The following ART4 variants were observed in gnomAD, a reference collection of about 807,000 sequenced individuals.
ART4 encodes the protein ADP-ribosyltransferase 4 (inactive) (Dombrock blood group).
In ART4, 14 loss-of-function variants were observed where a neutral mutation model predicts 24.2. That is an observed-to-expected ratio of 0.58 (90% CI 0.38 to 0.90). The LOEUF (loss-of-function observed/expected upper bound fraction) is 0.90, where lower values mean the gene tolerates loss of function less well. Ranked by LOEUF, ART4 falls within the 40% of genes least tolerant of loss-of-function variation. The pLI is 0.00. For synonymous variants in ART4, 145 were observed against 139.9 expected (o/e 1.04, Z -0.26); for missense variants, 356 against 366.6 (o/e 0.97, Z 0.24).
chr12:14,826,055 C>T lies in ART4; in HGVS notation c.*3316G>A, dbSNP rs1205553763. 3.9e-5 allele frequency: 6 copies of T among 152,140 alleles called. No homozygotes were observed. Among genetic ancestry groups the T allele is most frequent in the South Asian group, 4.1e-4 (2 of 4,828 alleles). 9.4% of individuals were successfully genotyped at this position (152,140 alleles called of 1,614,324 possible). A position where few individuals can be genotyped will look rare whatever the true frequency, so the allele number is the denominator to read the frequency against. On this transcript the variant is annotated 3_prime_UTR_variant, in exon 3 of 3. Coordinates refer to ENST00000228936, the MANE Select transcript of ART4 (RefSeq NM_021071.4). ...ATGAATTTACACATATTTGAGCATC[C>T]GCCTTATCTTTGGAAGATATCCCAG...
chr12:14,831,766 C>G (rs950492474), intron 2 of ART4, among the ~76,000 whole-genome samples: 4 of 151,958 alleles, frequency 2.6e-5, no homozygotes, highest in African/African-American at 9.7e-5. Flanking sequence ...CATCAACTGT[C>G]CACTCAACAT....
intron 2 of ART4, 41 bp from the exon 3 acceptor site, chr12:14,829,503 GTTTT>G: frequency 6.7e-7 from 1 of 1,483,678 alleles, no homozygotes; most frequent in Non-Finnish European, 9.3e-7. Flanking sequence ...AGGTAGCAGA[GTTTT>G]TTTTAAAACT....
rs267603397 is a variant in ART4 at position 14,843,051 on chromosome 12, C to G, written c.63G>C (p.Thr21=). 1 of 1,614,162 alleles carries G rather than the reference C, an allele frequency of 6.2e-7. No homozygotes were observed. The highest frequency in any genetic ancestry group is 1.1e-5 in the South Asian group (1 of 91,084). ...GGCCTCCAAGGAGCCAGATTCTCAT[C>G]GTTGCAGGAGGTACAGTAGTTGGGA... ...ILLPTTVPPA[T]MRIWLLGGLL... The change falls in exon 1 of 3, where the codon ACG becomes ACC. Residue 21 remains threonine, a synonymous_variant. Transcript: ENST00000228936.
In ART4 at chr12:14,840,725, A is replaced by G. The variant is rs764654784; in HGVS notation, c.573T>C (p.Asp191=). The G allele has an allele frequency of 1.9e-6, 3 of 1,614,106 alleles. No homozygotes were observed. Among genetic ancestry groups the G allele is most frequent in the Non-Finnish European group, 2.5e-6 (3 of 1,180,024 alleles). ...LCYEVHYRTK[D]VHFNAYTGAT... is the part of the protein sequence containing the mutation. ...CCCCTGTGTAGGCATTAAAGTGGAC[A>G]TCCTTCGTCCTATAATGCACCTCAT... The change falls in exon 2 of 3, where the codon GAT becomes GAC. Residue 191 remains aspartate, a synonymous_variant. Transcript: ENST00000228936.
Position 14,841,030 on chromosome 12 carries a change from G to A in ART4, c.268C>T (p.Gln90Ter), listed in dbSNP as rs759901596. 2.6e-5 allele frequency: 42 copies of A among 1,613,984 alleles called. No individual in the cohort carries two copies. The East Asian group carries it at 9.4e-4, about 36-fold the overall frequency. ...TGCCACATCCTAAAATAATTCTTCT[G>A]GGCTTCTATGTCTTTTGTGAAATAA... Reference protein sequence around the residue: ...GDYFTKDIEAQKNYFRMWQKA... With the variant: ...GDYFTKDIEA The change falls in exon 2 of 3, where the codon CAG (glutamine) becomes TAG (stop). Residue 90 changes from glutamine to a stop codon, truncating the protein, a stop_gained. Transcript: ENST00000228936. LOFTEE classifies it high-confidence loss of function.
intron 2 of ART4, among the ~76,000 whole-genome samples, chr12:14,835,299 G>C (rs903853760): frequency 6.6e-6 from 1 of 152,174 alleles, no homozygotes; most frequent in African/African-American, 2.4e-5. Flanking sequence ...GGGGTTAGTG[G>C]AGCAGTGAAG....
chr12:14,843,257 C>A lies in ART4; in HGVS notation c.-144G>T. The stretch of plus-strand genomic sequence containing the variant: ...ATGCTGAGCAACTTCTGTTGCCCAC[C>A]AACAACCAATAGCTTGTCTGAGGGA... On this transcript the variant is annotated 5_prime_UTR_variant, in exon 1 of 3. Coordinates refer to ENST00000228936, the MANE Select transcript of ART4 (RefSeq NM_021071.4). 2.2e-6 allele frequency: 2 copies of A among 924,304 alleles called. No individual in the cohort carries two copies. The highest frequency in any genetic ancestry group is 3.2e-6 in the Non-Finnish European group (2 of 628,444). 57.3% of individuals were successfully genotyped at this position (924,304 alleles called of 1,614,324 possible). A position where few individuals can be genotyped will look rare whatever the true frequency, so the allele number is the denominator to read the frequency against.
At chr12:14,837,252 T>C (rs923612191) in intron 2 of ART4, among the ~76,000 whole-genome samples, 3 of 152,214 alleles carry the variant, frequency 2.0e-5, no homozygotes, top group African/African-American at 7.2e-5. Flanking sequence ...ATCATTTACA[T>C]TGTGACAACA....
rs567459418 is a variant in ART4, at chr12:14,837,489, G to A, written c.853+2956C>T. Among the ~76,000 whole-genome samples, 231 of 152,118 alleles carry A rather than the reference G, an allele frequency of 1.5e-3. 1 individual carries two copies. Among genetic ancestry groups the A allele is most frequent in the African/African-American group, 5.4e-3 (223 of 41,524 alleles). On this transcript the variant is annotated intron_variant, in intron 2 of 2. Transcript: ENST00000228936. ...TAACACTAATTTACCATTATTATATGCTATAGAATATATAAATAATTTTAT... is the reference window on the plus strand; with the variant it reads ...TAACACTAATTTACCATTATTATATACTATAGAATATATAAATAATTTTAT...
At chr12:14,837,032 G>A (rs576417312) in intron 2 of ART4, among the ~76,000 whole-genome samples, 3 of 152,120 alleles carry the variant, frequency 2.0e-5, no homozygotes, top group East Asian at 1.9e-4. Context: ...CTGCAATACC[G>A]AGACAGCAGA....
rs757126077 is a variant in ART4, at chr12:14,840,859, G to A, written c.439C>T (p.Pro147Ser). 6.2e-7 allele frequency: 1 copy of A among 1,614,210 alleles called. No individual in the cohort carries two copies. Residue 147 changes from proline to serine, a missense_variant, in exon 2 of 3, where the codon CCA becomes TCA. By Grantham distance (74) the Pro-to-Ser change is moderately conservative. Transcript: ENST00000228936. Reference protein sequence around the residue: ...TRAMASVARTPQQYERSFHFK... With the variant: ...TRAMASVARTSQQYERSFHFK... The stretch of plus-strand genomic sequence containing the variant: ...TGGAATGAACGTTCATACTGCTGTG[G>A]AGTCCTGGCAACAGAGGCCATGGCT...
At position 14,828,511 on chromosome 12, in the gene ART4, T is replaced by C. The variant is rs1229319803; in HGVS notation, c.*860A>G. The C allele has an allele frequency of 6.6e-6, 1 of 152,176 alleles. No individual in the cohort carries two copies. The highest frequency in any genetic ancestry group is 1.5e-5 in the Non-Finnish European group (1 of 68,030). The allele number at this position is 152,176 out of a possible 1,614,324, so 9.4% of individuals were successfully genotyped here. On this transcript the variant is annotated 3_prime_UTR_variant, in exon 3 of 3. Coordinates refer to ENST00000228936, the MANE Select transcript of ART4 (RefSeq NM_021071.4). Reference sequence around the variant, plus strand: ...CTCATAAAAAATCTCTGAAGAAAATTCACACCTTGGTTAATCTCTGGGGTT... The same window carrying C: ...CTCATAAAAAATCTCTGAAGAAAATCCACACCTTGGTTAATCTCTGGGGTT...
chr12:14,842,965 C>T lies in ART4; in HGVS notation c.144+5G>A. The T allele has an allele frequency of 8.1e-6, 13 of 1,609,560 alleles. No individual in the cohort carries two copies. Among genetic ancestry groups the T allele is most frequent in the Non-Finnish European group, 8.5e-6 (10 of 1,178,028 alleles). ...AAGAGATCACCCCCTCAATTGTCCCCCTACCTCAGAACCCTCTGTGGGTCT... is the reference window on the plus strand; with the variant it reads ...AAGAGATCACCCCCTCAATTGTCCCTCTACCTCAGAACCCTCTGTGGGTCT... On this transcript the variant is annotated splice_donor_5th_base_variant and intron_variant, in intron 1 of 2. Coordinates refer to ENST00000228936, the MANE Select transcript of ART4 (RefSeq NM_021071.4).
At position 14,829,312 on chromosome 12, in the gene ART4, C is replaced by T; in HGVS notation, c.*59G>A. 1 of 1,175,140 alleles carries T rather than the reference C, an allele frequency of 8.5e-7. No homozygotes were observed. The highest frequency in any genetic ancestry group is 2.6e-5 in the Admixed American group (1 of 37,888). The allele number at this position is 1,175,140 out of a possible 1,614,324, so 72.8% of individuals were successfully genotyped here. On this transcript the variant is annotated 3_prime_UTR_variant, in exon 3 of 3. Coordinates refer to ENST00000228936, the MANE Select transcript of ART4 (RefSeq NM_021071.4). ...TAAATGTCCATTTCTAGCCAAAAGG[C>T]CAATAAAAAAGATTTTATTTAAATA...
At chr12:14,840,323 C>T (rs1266421036) in intron 2 of ART4, 122 bp downstream of exon 2, 2 of 785,248 alleles carry the variant, frequency 2.5e-6, no homozygotes, top group South Asian at 2.0e-5. Flanking sequence ...TCAGTTCCAT[C>T]ATTACCGAAG....
chr12:14,828,762 T>C lies in ART4; in HGVS notation c.*609A>G, dbSNP rs1950374725. On this transcript the variant is annotated 3_prime_UTR_variant, in exon 3 of 3. Coordinates refer to ENST00000228936, the MANE Select transcript of ART4 (RefSeq NM_021071.4). ...TGAAAAATCTTGTAGTATTCAGCTTTAGGCAAAGTTGGATCCAGAGGCTTA... is the reference window on the plus strand; with the variant it reads ...TGAAAAATCTTGTAGTATTCAGCTTCAGGCAAAGTTGGATCCAGAGGCTTA... 1 of 152,220 alleles carries C rather than the reference T, an allele frequency of 6.6e-6. No individual in the cohort carries two copies. The highest frequency in any genetic ancestry group is 1.5e-5 in the Non-Finnish European group (1 of 68,036). The allele number at this position is 152,220 out of a possible 1,614,324, so 9.4% of individuals were successfully genotyped here. A position where few individuals can be genotyped will look rare whatever the true frequency, so the allele number is the denominator to read the frequency against.
Position 14,830,647 on chromosome 12 carries a change from A to ATG in ART4, c.854-1187_854-1186dup, listed in dbSNP as rs1163869160. ...GTGTGTGTATGTGTGTACTGTATGT[A>ATG]TGTATATATATATATATATATATAT... is the stretch of plus-strand genomic sequence containing the variant. On this transcript the variant is annotated intron_variant, in intron 2 of 2. Coordinates refer to ENST00000228936, the MANE Select transcript of ART4 (RefSeq NM_021071.4). Among the ~76,000 whole-genome samples, 261 of 52,078 alleles carry ATG rather than the reference A, an allele frequency of 5.0e-3. 10 individuals are homozygous for ATG. Among genetic ancestry groups the ATG allele is most frequent in the African/African-American group, 0.012 (159 of 13,164 alleles). 34.2% of individuals were successfully genotyped at this position (52,078 alleles called of 152,430 possible).
chr12:14,841,093 A>G lies in ART4; in HGVS notation c.205T>C (p.Cys69Arg), dbSNP rs1260029840. 6.2e-7 allele frequency: 1 copy of G among 1,614,074 alleles called. No homozygotes were observed. Among genetic ancestry groups the G allele is most frequent in the Admixed American group, 1.7e-5 (1 of 60,010 alleles). ...AGTTTCTCCATAACCTGTTTGCTAC[A>G]GCCTTGGTACTGATCATCAAAAGAA... ...PGSFDDQYQGCSKQVMEKLTQ... is the reference protein window; with the variant it reads ...PGSFDDQYQGRSKQVMEKLTQ... Residue 69 changes from cysteine to arginine, a missense_variant, in exon 2 of 3, where the codon TGT becomes CGT. By Grantham distance (180) the Cys-to-Arg change is radical. Transcript: ENST00000228936.
intron 2 of ART4, among the ~76,000 whole-genome samples, chr12:14,830,563 GTGTGTGTGTGTGTGTA>G (rs2137297467): frequency 7.0e-6 from 1 of 143,428 alleles, no homozygotes; most frequent in Non-Finnish European, 1.5e-5. Context: ...GTGTGTGTGT[GTGTGTGTGTGTGTGTA>G]TACAAGTAGA....
Sources: allele counts gnomAD v4.1 joint callset (sites outside exome capture counted in the v4.1 genomes callset), GRCh38; gene constraint gnomAD v4.1.1; transcripts MANE v1.5; gene names NCBI Gene and HGNC (gene_info 2026-07-23, HGNC 2026-07-21).